The following OCA2 variants were observed in gnomAD, a reference collection of about 807,000 sequenced individuals.
The protein encoded by OCA2 is OCA2 melanosomal transmembrane protein.
A neutral mutation model predicts 100.2 loss-of-function variants in OCA2; 77 were observed. The ratio of observed to expected loss-of-function variants is 0.77; its 90% CI spans 0.64 to 0.93. The LOEUF (loss-of-function observed/expected upper bound fraction) is 0.93, where lower values mean the gene tolerates loss of function less well. Ranked by LOEUF, OCA2 falls within the 40% of genes least tolerant of loss-of-function variation. The pLI, the probability that OCA2 is intolerant of heterozygous loss-of-function variation, is 0.00. For synonymous variants in OCA2, 432 were observed against 439.2 expected (o/e 0.98, Z 0.21); for missense variants, 1,062 against 1,089.1 (o/e 0.98, Z 0.35).
intron 10 of OCA2, among the ~76,000 whole-genome samples, 168 bp downstream of exon 10, chr15:27,990,408 T>C (rs146711219): frequency 1.3e-5 from 2 of 152,330 alleles, no homozygotes; most frequent in African/African-American, 4.8e-5. Flanking sequence ...AAAAGTACTC[T>C]TCAATGCTGT....
intron 2 of OCA2, among the ~76,000 whole-genome samples, chr15:28,053,712 A>C (rs1313180830): frequency 1.3e-5 from 2 of 152,174 alleles, no homozygotes; most frequent in African/African-American, 2.4e-5. Context: ...AGGGCCTCCC[A>C]GCACAAGACC....
intron 6 of OCA2, among the ~76,000 whole-genome samples, chr15:28,020,128 C>T (rs2042547339): frequency 6.6e-6 from 1 of 151,784 alleles, no homozygotes; most frequent in Admixed American, 6.6e-5. Context: ...CGCCCCCACC[C>T]ATCCCCACCC....
chr15:27,874,184 C>G (rs564582477), intron 19 of OCA2, among the ~76,000 whole-genome samples: 68 of 152,298 alleles, frequency 4.5e-4, no homozygotes, highest in African/African-American at 1.4e-3. Context: ...TTAACACATT[C>G]TAGATTAGCA....
intron 8 of OCA2, 136 bp from the exon 9 acceptor site, chr15:28,015,065 G>A: frequency 5.3e-6 from 5 of 940,316 alleles, no homozygotes; most frequent in South Asian, 1.4e-5. Flanking sequence ...TGGAAGAGCA[G>A]TGAGCACAGG....
At chr15:28,018,305 G>A in intron 7 of OCA2, 92 bp downstream of exon 7, 1 of 1,239,326 alleles carries the variant, frequency 8.1e-7, no homozygotes, top group Non-Finnish European at 1.2e-6. Flanking sequence ...CTCGCCTGTG[G>A]CTCCCCATCA....
chr15:27,910,482 A>G (rs1271649609), intron 19 of OCA2, among the ~76,000 whole-genome samples: 3 of 152,202 alleles, frequency 2.0e-5, no homozygotes, highest in African/African-American at 7.2e-5. Flanking sequence ...AAAATGGGGT[A>G]CTATATAGTT....
chr15:27,964,732 A>C (rs1371027143), intron 15 of OCA2, among the ~76,000 whole-genome samples: 1 of 152,130 alleles, frequency 6.6e-6, no homozygotes, highest in Non-Finnish European at 1.5e-5. Context: ...TGCTAAACTC[A>C]GATCTCTTGA....
chr15:27,971,189 C>T (rs567980193), intron 14 of OCA2, among the ~76,000 whole-genome samples: 2 of 152,126 alleles, frequency 1.3e-5, no homozygotes, highest in East Asian at 3.9e-4. Context: ...GGTGGGAAAA[C>T]GGGAAGAATG....
At chr15:27,980,965 T>C (rs141552706) in intron 14 of OCA2, among the ~76,000 whole-genome samples, 2 of 152,342 alleles carry the variant, frequency 1.3e-5, no homozygotes, top group East Asian at 3.9e-4. Flanking sequence ...CCTTTTTCCG[T>C]TCCCCTCTCT....
rs534431722 is a variant in OCA2, at chr15:27,832,354, A to G, written c.2432+12605T>C. Among the ~76,000 whole-genome samples, 21 of 152,324 alleles carry G rather than the reference A, an allele frequency of 1.4e-4. No individual in the cohort carries two copies. In the South Asian group the frequency reaches 4.1e-3, roughly 30 times the overall value. ...ACTGCAGGGAAGAATGGGCTTTGTA[A>G]AAGAAAAATCGCATTGCAAGCTTTC... is the stretch of plus-strand genomic sequence containing the variant. On this transcript the variant is annotated intron_variant, in intron 23 of 23. Coordinates refer to ENST00000354638, the MANE Select transcript of OCA2 (RefSeq NM_000275.3).
At chr15:27,806,698 A>G (rs931541901) in intron 23 of OCA2, among the ~76,000 whole-genome samples, 1 of 152,244 alleles carries the variant, frequency 6.6e-6, no homozygotes, top group Non-Finnish European at 1.5e-5. Flanking sequence ...AATAAAGAAG[A>G]GGTGTCAAAA....
chr15:27,749,956 G>GT (rs1263465924), downstream of OCA2, among the ~76,000 whole-genome samples: 1 of 152,170 alleles, frequency 6.6e-6, no homozygotes, highest in Non-Finnish European at 1.5e-5. Flanking sequence ...ATCAGGTCAA[G>GT]TTTTTTAAAA....
chr15:28,059,174 AAGAG>A (rs2043796909), intron 2 of OCA2, among the ~76,000 whole-genome samples: 1 of 152,200 alleles, frequency 6.6e-6, no homozygotes, highest in Non-Finnish European at 1.5e-5. Flanking sequence ...CTGTGCCCAC[AAGAG>A]AGCAGAAGAC....
chr15:27,724,396 G>A, the OCA2 span, among the ~76,000 whole-genome samples: 5 of 152,092 alleles, frequency 3.3e-5, no homozygotes, highest in Non-Finnish European at 5.9e-5. Context: ...CGGTCTCTGT[G>A]TCCACACTTC....
chr15:27,746,415 C>T, the OCA2 span, among the ~76,000 whole-genome samples: 2 of 152,050 alleles, frequency 1.3e-5, no homozygotes, highest in East Asian at 1.9e-4. Flanking sequence ...GAGCCGAGAT[C>T]GTGCCGCTGC....
At chr15:27,742,565 G>A in the OCA2 span, among the ~76,000 whole-genome samples, 1 of 152,154 alleles carries the variant, frequency 6.6e-6, no homozygotes, top group Non-Finnish European at 1.5e-5. Flanking sequence ...AATGGAGGAT[G>A]CAGCACCGGG....
the OCA2 span, among the ~76,000 whole-genome samples, chr15:27,720,584 C>T: frequency 1.3e-5 from 2 of 151,098 alleles, no homozygotes; most frequent in South Asian, 2.1e-4. Flanking sequence ...ATCTCAAAAC[C>T]ACTAGGCTGA....
At chr15:27,729,487 C>A in the OCA2 span, among the ~76,000 whole-genome samples, 1 of 152,068 alleles carries the variant, frequency 6.6e-6, no homozygotes, top group Non-Finnish European at 1.5e-5. Flanking sequence ...AAGGAATTGC[C>A]ACAATTCGTT....
chr15:27,895,172 C>T (rs2151617141), intron 19 of OCA2, among the ~76,000 whole-genome samples: 1 of 152,328 alleles, frequency 6.6e-6, no homozygotes, highest in Non-Finnish European at 1.5e-5. Flanking sequence ...TGTTGTGACT[C>T]TCCTTTTTTG....
Sources: gnomAD v4.1 joint callset for allele counts (sites outside exome capture counted in the v4.1 genomes callset) on GRCh38, gnomAD v4.1.1 for gene constraint, MANE v1.5 for transcripts, NCBI Gene and HGNC (gene_info 2026-07-23, HGNC 2026-07-21) for gene names.